Variants in OSCAR observed in about 807,000 individuals in gnomAD.
OSCAR encodes the protein osteoclast associated Ig-like receptor.
Under a neutral mutation model 27.3 loss-of-function variants are expected in OSCAR, and 25 were observed. The observed-to-expected ratio is 0.92, with a 90% CI of 0.67 to 1.28. The LOEUF (loss-of-function observed/expected upper bound fraction) is 1.28. Among genes scored for constraint, OSCAR ranks in the 50% most tolerant of loss-of-function variants. The pLI, the probability that OSCAR is intolerant of heterozygous loss-of-function variation, is 0.00. For missense variants in OSCAR, 354 were observed against 355.1 expected, an observed-to-expected ratio of 1.00 and a Z score of 0.03; for synonymous variants, 158 against 165.7, an observed-to-expected ratio of 0.95 and a Z score of 0.36.
chr19:54,096,949 C>T lies in OSCAR; in HGVS notation c.286G>A (p.Gly96Arg). 1 of 1,614,172 alleles carries T rather than the reference C, an allele frequency of 6.2e-7. No homozygotes were observed. Among genetic ancestry groups the T allele is most frequent in the Non-Finnish European group, 8.5e-7 (1 of 1,180,034 alleles). ...CTTCGGTAGCAGCAGCGGTAACTTC[C>T]CCCTTGGGCTGGAGTCACCTCCTCC... Reference protein sequence around the residue: ...FLEEVTPAQGGSYRCCYRRPD... With the variant: ...FLEEVTPAQGRSYRCCYRRPD... The change falls in exon 3 of 5, where the codon GGA becomes AGA. Residue 96 changes from glycine (G) to arginine (R), a missense_variant. Coordinates refer to ENST00000358375, the MANE Select transcript of OSCAR (RefSeq NM_133169.6).
At chr19:54,100,042 C>T (rs778792560) in intron 1 of OSCAR, among the ~76,000 whole-genome samples, 64 of 152,190 alleles carry the variant, frequency 4.2e-4, no homozygotes, top group Non-Finnish European at 2.1e-4. Context: ...GAACTCCTGT[C>T]CTCAGGTGAT....
intron 4 of OSCAR, 138 bp downstream of exon 4, chr19:54,095,734 G>A (rs1236578784): frequency 1.5e-6 from 2 of 1,373,948 alleles, no homozygotes; most frequent in South Asian, 2.7e-5. Flanking sequence ...TGGGTCTGAG[G>A]GAGGAGGGGC....
chr19:54,099,007 T>A (rs587754912), intron 2 of OSCAR, among the ~76,000 whole-genome samples: 1 of 151,638 alleles, frequency 6.6e-6, no homozygotes, highest in South Asian at 2.1e-4. Flanking sequence ...ATAAATAAAA[T>A]AAATAGGTAG....
intron 4 of OSCAR, 158 bp downstream of exon 4, chr19:54,095,714 C>T: frequency 8.0e-7 from 1 of 1,257,250 alleles, no homozygotes; most frequent in Non-Finnish European, 1.1e-6. Context: ...GGGCTGGGTC[C>T]CAGGAATCCT....
At chr19:54,095,622 G>A in intron 4 of OSCAR, 1 of 1,064,738 alleles carries the variant, frequency 9.4e-7, no homozygotes, top group East Asian at 2.6e-5. Context: ...CTGGGTCTGA[G>A]GGAGGAGGTA....
At position 54,096,083 on chromosome 19, in the gene OSCAR, C is replaced by T. The variant is rs2072669231; in HGVS notation, c.444G>A (p.Leu148=). The stretch of plus-strand genomic sequence containing the variant: ...TGTTCCGCAGGCGGCCCGCGCAGCG[C>T]AGGCTCACGTTGGCGCCAGGACCCA... ...PVVGPGANVS[L]RCAGRLRNMS... Residue 148 remains leucine, a synonymous_variant, in exon 4 of 5, where the codon CTG becomes CTA. Coordinates refer to ENST00000358375, the MANE Select transcript of OSCAR (RefSeq NM_133169.6). 2.0e-6 allele frequency: 3 copies of T among 1,534,718 alleles called. No homozygotes were observed. Among genetic ancestry groups the T allele is most frequent in the Non-Finnish European group, 2.6e-6 (3 of 1,146,078 alleles).
At position 54,095,030 on chromosome 19, in the gene OSCAR, G is replaced by A. The variant is rs1037218774; in HGVS notation, c.*191C>T. The A allele has an allele frequency of 1.3e-5, 12 of 936,786 alleles. No homozygotes were observed. Among genetic ancestry groups the A allele is most frequent in the South Asian group, 1.2e-4 (5 of 42,658 alleles). The allele number at this position is 936,786 out of a possible 1,614,324, so 58.0% of individuals were successfully genotyped here. A position where few individuals can be genotyped will look rare whatever the true frequency, so the allele number is the denominator to read the frequency against. On this transcript the variant is annotated 3_prime_UTR_variant, in exon 5 of 5. Coordinates refer to ENST00000358375, the MANE Select transcript of OSCAR (RefSeq NM_133169.6). The stretch of plus-strand genomic sequence containing the variant: ...CTTGGAAGTCTTAACCACTAATCGC[G>A]TCTTCCTTTCAGCTACTCCTTGGGA...
intron 2 of OSCAR, among the ~76,000 whole-genome samples, chr19:54,099,325 T>C (rs1306308030): frequency 6.9e-6 from 1 of 145,122 alleles, no homozygotes; most frequent in Non-Finnish European, 1.5e-5. Flanking sequence ...CGCCTCTGCC[T>C]CCCAAAGTGC....
intron 3 of OSCAR, 111 bp from the exon 4 acceptor site, chr19:54,096,264 T>C (rs918201560): frequency 5.2e-6 from 5 of 954,822 alleles, no homozygotes; most frequent in Non-Finnish European, 7.4e-6. Flanking sequence ...CTCTCTCTCT[T>C]TCTGCCTCTC....
chr19:54,094,718 A>G lies in OSCAR; in HGVS notation c.*503T>C, dbSNP rs118027525. ...AGAGCAAGAGAACAAAGCTCCCACA[A>G]CGTGGAAGCAGACTCTGGTGGGGTG... On this transcript the variant is annotated 3_prime_UTR_variant, in exon 5 of 5. Coordinates refer to ENST00000358375, the MANE Select transcript of OSCAR (RefSeq NM_133169.6). 145,426 of 152,714 alleles carry G rather than the reference A, an allele frequency of 0.95. 69,328 individuals carry two copies. The highest frequency in any genetic ancestry group is 0.99 in the East Asian group (5,170 of 5,200). The allele number at this position is 152,714 out of a possible 1,614,324, so 9.5% of individuals were successfully genotyped here.
At chr19:54,095,787 GCCTGGGCTCCTGGGTCTGAGGGCGGAGGT>G (rs772206632) in intron 4 of OSCAR, 56 bp downstream of exon 4, 85 of 1,542,738 alleles carry the variant, frequency 5.5e-5, no homozygotes, top group Non-Finnish European at 3.3e-5. Context: ...GAGGCTGGGG[GCCTGGGCTCCTGGGTCTGAGGGCGGAGGT>G]CCTGGGGCCT....
chr19:54,098,855 G>A (rs922064407), intron 2 of OSCAR, among the ~76,000 whole-genome samples: 6 of 151,454 alleles, frequency 4.0e-5, no homozygotes, highest in Non-Finnish European at 7.4e-5. Flanking sequence ...GCATTGTGGT[G>A]TGTGCCTGTA....
intron 2 of OSCAR, among the ~76,000 whole-genome samples, chr19:54,098,442 G>T (rs587650461): frequency 6.6e-6 from 1 of 152,208 alleles, no homozygotes; most frequent in South Asian, 2.1e-4. Context: ...GTGCTAGCTT[G>T]TAGTTCCAGC....
chr19:54,095,239 A>T lies in OSCAR; in HGVS notation c.774T>A (p.Pro258=). The T allele has an allele frequency of 6.2e-7, 1 of 1,611,912 alleles. No individual in the cohort carries two copies. The change falls in exon 5 of 5, where the codon CCT becomes CCA. Residue 258 remains proline, a synonymous_variant. Coordinates refer to ENST00000358375, the MANE Select transcript of OSCAR (RefSeq NM_133169.6). The part of the protein sequence containing the change: ...TFDWRSQNRA[P]AGIRP ...CTGGGGCTCAGGGGCGGATACCAGC[A>T]GGAGCGCGGTTCTGACTGCGCCAGT... is the stretch of plus-strand genomic sequence containing the variant.
chr19:54,097,118 C>G lies in OSCAR; in HGVS notation c.117G>C (p.Pro39=). 1 of 1,614,176 alleles carries G rather than the reference C, an allele frequency of 6.2e-7. No individual in the cohort carries two copies. Among genetic ancestry groups the G allele is most frequent in the Non-Finnish European group, 8.5e-7 (1 of 1,180,028 alleles). The change falls in exon 3 of 5, where the codon CCG becomes CCC. Residue 39 remains proline (P), a synonymous_variant. Coordinates refer to ENST00000358375, the MANE Select transcript of OSCAR (RefSeq NM_133169.6). ...YHPKPWLGAQ[P]ATVVTPGVNV... Reference sequence around the variant, plus strand: ...TGACCCCAGGGGTCACAACTGTAGCCGGCTGAGCTCCCAGCCATGGCTTAG... The same window carrying G: ...TGACCCCAGGGGTCACAACTGTAGCGGGCTGAGCTCCCAGCCATGGCTTAG...
rs2072530981 is a variant in OSCAR, at chr19:54,094,753, C to T, written c.*468G>A. 1 of 153,902 alleles carries T rather than the reference C, an allele frequency of 6.5e-6. No individual in the cohort carries two copies. Among genetic ancestry groups the T allele is most frequent in the South Asian group, 2.0e-4 (1 of 4,910 alleles). 9.5% of individuals were successfully genotyped at this position (153,902 alleles called of 1,614,324 possible). On this transcript the variant is annotated 3_prime_UTR_variant, in exon 5 of 5. Coordinates refer to ENST00000358375, the MANE Select transcript of OSCAR (RefSeq NM_133169.6). ...AGACTCTGGTGGGGTGCCGCGCTCG[C>T]CAGCTTTTATTCCCTTATTGTCCCC...
At position 54,100,541 on chromosome 19, in the gene OSCAR, A is replaced by T. The variant is rs73609099; in HGVS notation, c.37+215T>A. 2.7e-3 allele frequency among the ~76,000 whole-genome samples: 412 copies of T among 152,112 alleles called. 2 individuals carry two copies. The highest frequency in any genetic ancestry group is 9.2e-3 in the African/African-American group (381 of 41,492). ...CTCCTGACCTCTTCCTGCCTCAAGA[A>T]CCAGAGATACCTGTCCCCACCTCCT... On this transcript the variant is annotated intron_variant, in intron 1 of 4. Transcript: ENST00000358375.
Position 54,095,096 on chromosome 19 carries a change from C to T in OSCAR, c.*125G>A. On this transcript the variant is annotated 3_prime_UTR_variant, in exon 5 of 5. Transcript: ENST00000358375. ...GCTACAGCACAGGGCACAGCGGGGTCTAAGGACCGTTCCGCGGAGCTCAGC... is the reference window on the plus strand; with the variant it reads ...GCTACAGCACAGGGCACAGCGGGGTTTAAGGACCGTTCCGCGGAGCTCAGC... 7.0e-7 allele frequency: 1 copy of T among 1,433,414 alleles called. No individual in the cohort carries two copies. Among genetic ancestry groups the T allele is most frequent in the Non-Finnish European group, 9.3e-7 (1 of 1,080,756 alleles). 88.8% of individuals were successfully genotyped at this position (1,433,414 alleles called of 1,614,324 possible).
intron 4 of OSCAR, chr19:54,095,671 T>C: frequency 9.7e-7 from 1 of 1,032,292 alleles, no homozygotes; most frequent in South Asian, 1.7e-5. Context: ...GAGGAGGAGC[T>C]GGAGGACTAG....
Sources: allele counts gnomAD v4.1 joint callset (sites outside exome capture counted in the v4.1 genomes callset), GRCh38; gene constraint gnomAD v4.1.1; transcripts MANE v1.5; gene names NCBI Gene and HGNC (gene_info 2026-07-23, HGNC 2026-07-21).